NLRC5: variants seen among roughly 807,000 people sequenced by gnomAD.
NLRC5 encodes protein NLRC5.
NLRC5 carries 114 observed loss-of-function variants against 206.9 expected under a neutral mutation model. The ratio of observed to expected loss-of-function variants is 0.55; its 90% CI spans 0.47 to 0.64. The LOEUF (loss-of-function observed/expected upper bound fraction) is 0.64. NLRC5 is among the 30% of genes least tolerant of loss of function. NLRC5 has a pLI of 0.00. For missense variants in NLRC5, 2,008 were observed against 2,305.5 expected (o/e 0.87, Z 2.64); for synonymous variants, 952 against 962.8 (o/e 0.99, Z 0.21).
chr16:57,024,547 G>A (rs1182831770), intron 5 of NLRC5, among the ~76,000 whole-genome samples: 1 of 152,160 alleles, frequency 6.6e-6, no homozygotes. Context: ...AATGACCCAG[G>A]AATTAAAAGG....
chr16:57,020,215 C>T (rs113416895), intron 2 of NLRC5, among the ~76,000 whole-genome samples: 3,018 of 150,884 alleles, frequency 0.02, 114 homozygotes, highest in African/African-American at 0.07. Context: ...ACCCCACTCA[C>T]CTGCCCTCAG....
chr16:57,031,644 C>A (rs289754), intron 11 of NLRC5, among the ~76,000 whole-genome samples, 181 bp downstream of exon 11: 1 of 150,390 alleles, frequency 6.6e-6, no homozygotes, highest in African/African-American at 2.4e-5. Context: ...CTTCCTCTAG[C>A]GTGTCCAGAC....
intron 21 of NLRC5, 50 bp downstream of exon 21, chr16:57,045,542 C>T (rs771103062): frequency 6.9e-6 from 11 of 1,590,572 alleles, no homozygotes; most frequent in African/African-American, 2.7e-5. Context: ...CTCTGGTCCC[C>T]GTCTGTTGGA....
intron 27 of NLRC5, 76 bp downstream of exon 27, chr16:57,055,595 C>G: frequency 8.5e-7 from 1 of 1,178,212 alleles, no homozygotes; most frequent in Admixed American, 1.8e-5. Flanking sequence ...TATGAGGGTC[C>G]GTGTGTGCAC....
In NLRC5 at chr16:57,065,306, C is replaced by T; in HGVS notation, c.4241+8C>T. On this transcript the variant is annotated splice_region_variant and intron_variant, in intron 33 of 48. Coordinates refer to ENST00000688547, the MANE Select transcript of NLRC5 (RefSeq NM_001384950.1). The stretch of plus-strand genomic sequence containing the variant: ...CAGTGTCACTGAAATCAGGTGAGTC[C>T]AGAGAAGAGGCCCCTTTGGAATTCT... 2 of 1,548,230 alleles carry T rather than the reference C, an allele frequency of 1.3e-6. No homozygotes were observed. Among genetic ancestry groups the T allele is most frequent in the Non-Finnish European group, 1.8e-6 (2 of 1,140,476 alleles).
At position 57,077,290 on chromosome 16, in the gene NLRC5, C is replaced by A; in HGVS notation, c.4836-6C>A. 6.2e-7 allele frequency: 1 copy of A among 1,613,832 alleles called. No individual in the cohort carries two copies. The highest frequency in any genetic ancestry group is 8.5e-7 in the Non-Finnish European group (1 of 1,179,800). ...GAAGGCTGATGAAGCTGTTTTCTCC[C>A]CCAAGCTTGAGCCACAACCAGATTG... On this transcript the variant is annotated splice_region_variant and splice_polypyrimidine_tract_variant and intron_variant, in intron 40 of 48. Coordinates refer to ENST00000688547, the MANE Select transcript of NLRC5 (RefSeq NM_001384950.1).
Position 57,070,637 on chromosome 16 carries a change from T to C in NLRC5, c.4667+19T>C, listed in dbSNP as rs1376863840. On this transcript the variant is annotated intron_variant, in intron 38 of 48. Transcript: ENST00000688547. Reference sequence around the variant, plus strand: ...GGCTGGAGTAAGTAGTGATGGTGGTTGTGGGTGAGTGAGTGGTGGGGGTGG... The same window carrying C: ...GGCTGGAGTAAGTAGTGATGGTGGTCGTGGGTGAGTGAGTGGTGGGGGTGG... The C allele has an allele frequency of 2.5e-6, 4 of 1,605,158 alleles. No homozygotes were observed. The highest frequency in any genetic ancestry group is 3.4e-6 in the Non-Finnish European group (4 of 1,172,238).
chr16:57,044,842 C>T lies in NLRC5; in HGVS notation c.3204-606C>T, dbSNP rs74324463. Among the ~76,000 whole-genome samples the T allele has an allele frequency of 7.0e-3, 1,062 of 151,592 alleles. 7 individuals carry two copies. Among genetic ancestry groups the T allele is most frequent in the South Asian group, 0.012 (59 of 4,786 alleles). On this transcript the variant is annotated intron_variant, in intron 20 of 48. Transcript: ENST00000688547. ...GGAGGATTGCTTAGACTCAGGAGAT[C>T]GAGGCTACAGTGAGTTGTGATCACA...
At chr16:57,003,380 C>T (rs1005736082) in intron 1 of NLRC5, among the ~76,000 whole-genome samples, 25 of 152,146 alleles carry the variant, frequency 1.6e-4, no homozygotes, top group Admixed American at 1.6e-3. Context: ...TGCCAGGTTC[C>T]ATGTCAGGGA....
At position 57,077,709 on chromosome 16, in the gene NLRC5, C is replaced by A. The variant is rs1487984432; in HGVS notation, c.4920-10C>A. The A allele has an allele frequency of 1.9e-6, 3 of 1,558,352 alleles. No homozygotes were observed. In the Admixed American group the frequency reaches 5.7e-5, roughly 30 times the overall value. On this transcript the variant is annotated splice_polypyrimidine_tract_variant and intron_variant, in intron 41 of 48. Coordinates refer to ENST00000688547, the MANE Select transcript of NLRC5 (RefSeq NM_001384950.1). The stretch of plus-strand genomic sequence containing the variant: ...CATCAGAGGACCTGATGGCTGCCCC[C>A]CTCCCACAGCCTCTCAGGGAATAGC...
intron 43 of NLRC5, among the ~76,000 whole-genome samples, chr16:57,078,553 C>T (rs979391229): frequency 6.7e-6 from 1 of 149,998 alleles, no homozygotes; most frequent in Non-Finnish European, 1.5e-5. Context: ...CTCACTGCAA[C>T]CTCCACCTCC....
intron 1 of NLRC5, among the ~76,000 whole-genome samples, chr16:57,012,600 C>A (rs975935146): frequency 1.3e-5 from 2 of 152,104 alleles, no homozygotes; most frequent in South Asian, 2.1e-4. Flanking sequence ...TTGTGAAATG[C>A]GCATGTGAGG....
intron 1 of NLRC5, among the ~76,000 whole-genome samples, chr16:56,990,386 T>C (rs932404554): frequency 1.3e-5 from 2 of 152,310 alleles, no homozygotes; most frequent in South Asian, 4.1e-4. Flanking sequence ...TAATGTCAAA[T>C]CTCCAGATTA....
chr16:57,014,904 G>A (rs2059877550), intron 1 of NLRC5, among the ~76,000 whole-genome samples: 1 of 147,762 alleles, frequency 6.8e-6, no homozygotes, highest in Non-Finnish European at 1.5e-5. Context: ...AAGGGCAAGC[G>A]CTCTCCAGCC....
At chr16:57,016,485 C>G (rs1188762454) in intron 1 of NLRC5, among the ~76,000 whole-genome samples, 1 of 152,208 alleles carries the variant, frequency 6.6e-6, no homozygotes, top group Non-Finnish European at 1.5e-5. Context: ...GCTACCTGTT[C>G]TCTTCTTTGT....
chr16:57,041,904 C>A, intron 18 of NLRC5, 78 bp from the exon 19 acceptor site: 1 of 960,554 alleles, frequency 1.0e-6, no homozygotes, highest in Non-Finnish European at 1.5e-6. Context: ...AGTTGAGTAA[C>A]TGGAATGCAG....
At chr16:56,995,224 G>A (rs546670987) in intron 1 of NLRC5, among the ~76,000 whole-genome samples, 18 of 152,272 alleles carry the variant, frequency 1.2e-4, no homozygotes, top group Non-Finnish European at 2.2e-4. Flanking sequence ...AGCTAGAGGA[G>A]TGCCCACCCA....
At chr16:57,030,302 G>A (rs1427459522) in intron 10 of NLRC5, among the ~76,000 whole-genome samples, 1 of 152,158 alleles carries the variant, frequency 6.6e-6, no homozygotes, top group Non-Finnish European at 1.5e-5. Context: ...ATGTATGGAT[G>A]GATGGCTGAA....
rs151040563 is a variant in NLRC5 at position 57,025,978 on chromosome 16, C to G, written c.1035C>G (p.Thr345=). Residue 345 remains threonine, a synonymous_variant, in exon 6 of 49, where the codon ACC becomes ACG. Coordinates refer to ENST00000688547, the MANE Select transcript of NLRC5 (RefSeq NM_001384950.1). ...TLLPGCRVMA[T]SRPGKLPACL... is the part of the protein sequence containing the mutation. ...TGCCTGGCTGCCGGGTGATGGCTAC[C>G]TCCCGTCCAGGGAAGCTGCCTGCCT... The G allele has an allele frequency of 2.3e-5, 37 of 1,613,950 alleles. No homozygotes were observed. The African/African-American group carries it at 4.8e-4, about 21-fold the overall frequency.
Sources: gnomAD v4.1 joint callset for allele counts (sites outside exome capture counted in the v4.1 genomes callset) on GRCh38, gnomAD v4.1.1 for gene constraint, MANE v1.5 for transcripts, NCBI Gene and HGNC (gene_info 2026-07-23, HGNC 2026-07-21) for gene names.